DIAPH3: variants seen among roughly 807,000 people sequenced by gnomAD.
DIAPH3 encodes the protein protein diaphanous homolog 3.
In DIAPH3, 117 loss-of-function variants were observed where a neutral mutation model predicts 144.3. That is an observed-to-expected ratio of 0.81 (90% CI 0.70 to 0.95). The LOEUF (loss-of-function observed/expected upper bound fraction) is 0.95. Among genes scored for constraint, DIAPH3 ranks in the 40% least tolerant of loss-of-function variants. The probability of loss-of-function intolerance (pLI) is 0.00; values close to 1 mark genes in which losing one functional copy is unlikely to be tolerated. For missense variants in DIAPH3, 1,421 were observed against 1,412.7 expected, an observed-to-expected ratio of 1.01 and a Z score of -0.09; for synonymous variants, 519 against 488.9, an observed-to-expected ratio of 1.06 and a Z score of -0.81.
At chr13:59,789,444 G>A (rs111545670) in intron 25 of DIAPH3, among the ~76,000 whole-genome samples, 27 of 152,214 alleles carry the variant, frequency 1.8e-4, no homozygotes, top group Admixed American at 4.6e-4. Flanking sequence ...GTGAAGAATT[G>A]ACTTTTCAAT....
At chr13:59,871,410 G>T (rs746860652) in intron 21 of DIAPH3, among the ~76,000 whole-genome samples, 1 of 152,102 alleles carries the variant, frequency 6.6e-6, no homozygotes, top group Non-Finnish European at 1.5e-5. Flanking sequence ...TTACCATTAA[G>T]TATGATGCTA....
At chr13:59,969,238 G>A (rs1006767497) in intron 17 of DIAPH3, among the ~76,000 whole-genome samples, 1 of 152,030 alleles carries the variant, frequency 6.6e-6, no homozygotes, top group Admixed American at 6.6e-5. Flanking sequence ...AAAACATTTT[G>A]GAAAATGAAT....
chr13:59,805,089 A>C (rs973458585), intron 25 of DIAPH3, among the ~76,000 whole-genome samples: 9 of 152,140 alleles, frequency 5.9e-5, no homozygotes, highest in African/African-American at 1.9e-4. Flanking sequence ...TGAGACATTT[A>C]AGTCTAATAA....
intron 27 of DIAPH3, among the ~76,000 whole-genome samples, chr13:59,747,630 G>C (rs533043655): frequency 6.6e-6 from 1 of 152,306 alleles, no homozygotes; most frequent in South Asian, 2.1e-4. Context: ...GCTGGAAGGA[G>C]AGGGCCATAT....
intron 5 of DIAPH3, among the ~76,000 whole-genome samples, chr13:60,040,500 T>A (rs2055578948): frequency 6.6e-6 from 1 of 152,128 alleles, no homozygotes. Flanking sequence ...AAAATCACAA[T>A]AATAACCCAT....
At chr13:59,927,257 AT>A (rs944742878) in intron 17 of DIAPH3, among the ~76,000 whole-genome samples, 1 of 152,046 alleles carries the variant, frequency 6.6e-6, no homozygotes, top group African/African-American at 2.4e-5. Flanking sequence ...TTTGCATCCC[AT>A]TTTTTTAATC....
At chr13:59,723,957 G>GT (rs1164481369) in intron 27 of DIAPH3, among the ~76,000 whole-genome samples, 82 of 63,178 alleles carry the variant, frequency 1.3e-3, no homozygotes, top group African/African-American at 4.3e-3. Context: ...TGTGTTAAAA[G>GT]TTAAAAAAAA....
At chr13:60,149,208 C>T (rs529615416) in intron 1 of DIAPH3, among the ~76,000 whole-genome samples, 1 of 152,258 alleles carries the variant, frequency 6.6e-6, no homozygotes, top group East Asian at 1.9e-4. Context: ...GGGCCAAAAA[C>T]AGCAGTAAAG....
At chr13:59,896,199 T>C (rs2046084392) in intron 20 of DIAPH3, among the ~76,000 whole-genome samples, 1 of 152,220 alleles carries the variant, frequency 6.6e-6, no homozygotes, top group Non-Finnish European at 1.5e-5. Context: ...TCTGTTCTTA[T>C]AACCCTGAGG....
intron 20 of DIAPH3, among the ~76,000 whole-genome samples, chr13:59,896,593 G>T (rs966927574): frequency 6.6e-6 from 1 of 151,922 alleles, no homozygotes; most frequent in African/African-American, 2.4e-5. Context: ...GGGGAGGCGG[G>T]GGTGGAGGCA....
intron 25 of DIAPH3, among the ~76,000 whole-genome samples, chr13:59,806,453 C>G (rs866720871): frequency 6.6e-6 from 1 of 151,944 alleles, no homozygotes; most frequent in Non-Finnish European, 1.5e-5. Flanking sequence ...ATAAATCTTA[C>G]CAACTTCTGA....
intron 5 of DIAPH3, among the ~76,000 whole-genome samples, chr13:60,041,859 C>A (rs1021823224): frequency 6.6e-6 from 1 of 151,988 alleles, no homozygotes; most frequent in Non-Finnish European, 1.5e-5. Context: ...CAAGAATACT[C>A]TTGTTTAGCC....
intron 4 of DIAPH3, among the ~76,000 whole-genome samples, chr13:60,087,753 A>G (rs943540951): frequency 2.0e-5 from 3 of 151,730 alleles, no homozygotes; most frequent in African/African-American, 7.3e-5. Context: ...GAGCATTTAT[A>G]AAAGAGGAAT....
At chr13:59,738,818 GAA>G (rs1233781117) in intron 27 of DIAPH3, among the ~76,000 whole-genome samples, 1 of 152,084 alleles carries the variant, frequency 6.6e-6, no homozygotes, top group Non-Finnish European at 1.5e-5. Context: ...TTCAAATTTT[GAA>G]AAGTCAGTTT....
chr13:59,891,750 G>T (rs11842855), intron 20 of DIAPH3, among the ~76,000 whole-genome samples: 2,022 of 152,002 alleles, frequency 0.013, 49 homozygotes, highest in African/African-American at 0.045. Flanking sequence ...ATAGCAAACA[G>T]AAACACAAGA....
chr13:59,958,173 AT>A (rs2049517697), intron 17 of DIAPH3, among the ~76,000 whole-genome samples: 1 of 152,170 alleles, frequency 6.6e-6, no homozygotes, highest in Non-Finnish European at 1.5e-5. Flanking sequence ...TATATACTGT[AT>A]TTTTAATTAT....
At chr13:59,774,958 A>C in intron 25 of DIAPH3, 135 bp from the exon 26 acceptor site, 3 of 725,294 alleles carry the variant, frequency 4.1e-6, no homozygotes, top group Non-Finnish European at 7.4e-6. Context: ...GCAATTTCAA[A>C]ATAGGACAGG....
intron 27 of DIAPH3, among the ~76,000 whole-genome samples, chr13:59,667,615 T>C (rs991691830): frequency 2.6e-5 from 4 of 152,238 alleles, no homozygotes; most frequent in African/African-American, 7.2e-5. Context: ...CAGAATGTTA[T>C]ATGTAATTGT....
intron 1 of DIAPH3, among the ~76,000 whole-genome samples, chr13:60,142,921 T>G (rs1289486443): frequency 6.6e-6 from 1 of 151,366 alleles, no homozygotes; most frequent in Non-Finnish European, 1.5e-5. Flanking sequence ...CATTTTTTTT[T>G]TCTTTTTTTT....
Sources: gnomAD v4.1 joint callset for allele counts (sites outside exome capture counted in the v4.1 genomes callset) on GRCh38, gnomAD v4.1.1 for gene constraint, MANE v1.5 for transcripts, NCBI Gene and HGNC (gene_info 2026-07-23, HGNC 2026-07-21) for gene names.